C11orf54: variants seen among roughly 807,000 people sequenced by gnomAD.
C11orf54 encodes the protein beta-keto L-gulonate decarboxylase.
A neutral mutation model predicts 35.5 loss-of-function variants in C11orf54; 29 were observed. That is an observed-to-expected ratio of 0.82 (90% CI 0.61 to 1.11). The LOEUF is 1.11. C11orf54 is among the 50% of genes most tolerant of loss of function. The probability of loss-of-function intolerance (pLI) is 0.00; values close to 1 mark genes in which losing one functional copy is unlikely to be tolerated. For synonymous variants in C11orf54, 108 were observed against 121.1 expected, an observed-to-expected ratio of 0.89 and a Z score of 0.71; for missense variants, 373 against 369.2, an observed-to-expected ratio of 1.01 and a Z score of -0.08.
rs1310091615 is a variant in C11orf54 at position 93,762,716 on chromosome 11, T to C, written c.*1028T>C. 2.0e-5 allele frequency: 3 copies of C among 152,092 alleles called. No individual in the cohort carries two copies. Among genetic ancestry groups the C allele is most frequent in the Middle Eastern group, 3.4e-3 (1 of 294 alleles). 9.4% of individuals were successfully genotyped at this position (152,092 alleles called of 1,614,324 possible). On this transcript the variant is annotated 3_prime_UTR_variant, in exon 9 of 9. Transcript: ENST00000354421. ...CAGTTAGAAGCAATTTTTATTTCAC[T>C]GGTTATTTGCAAGAGAAGGGGTAAA...
At chr11:93,746,836 A>G (rs1942495508) in intron 1 of C11orf54, 1 of 152,228 alleles carries the variant, frequency 6.6e-6, no homozygotes, top group African/African-American at 2.4e-5. Context: ...TTGAGATCCT[A>G]TATGTACTAT....
rs371075089 is a variant in C11orf54 at position 93,761,644 on chromosome 11, C to T, written c.904C>T (p.Arg302Cys). ...CTTCTTACCTGCAGAGTTTCTCTAT[C>T]GCATTGATCAACCAAAAGAGACGCA... is the stretch of plus-strand genomic sequence containing the variant. Reference protein sequence around the residue: ...GYFLPAEFLYRIDQPKETHSI... With the variant: ...GYFLPAEFLYCIDQPKETHSI... Residue 302 changes from arginine (R) to cysteine (C), a missense_variant, in exon 9 of 9, where the codon CGC (arginine) becomes TGC (cysteine). By Grantham distance (180) the Arg-to-Cys change is radical (BLOSUM62 -3). Transcript: ENST00000354421. 2.3e-5 allele frequency: 37 copies of T among 1,611,466 alleles called. No homozygotes were observed. Among genetic ancestry groups the T allele is most frequent in the South Asian group, 1.1e-4 (10 of 90,528 alleles).
intron 1 of C11orf54, among the ~76,000 whole-genome samples, chr11:93,743,866 C>G (rs947268971): frequency 6.6e-6 from 1 of 152,176 alleles, no homozygotes; most frequent in Non-Finnish European, 1.5e-5. Flanking sequence ...CGACTCCCAC[C>G]AATTAGGCAG....
intron 3 of C11orf54, 99 bp downstream of exon 3, chr11:93,750,543 G>T: frequency 1.1e-6 from 1 of 938,388 alleles, no homozygotes; most frequent in Non-Finnish European, 1.6e-6. Context: ...ACAAATAAAG[G>T]ATATTGTCAC....
chr11:93,743,101 A>G (rs572107216), intron 1 of C11orf54, among the ~76,000 whole-genome samples: 2 of 150,490 alleles, frequency 1.3e-5, no homozygotes, highest in East Asian at 4.0e-4. Flanking sequence ...CCCGGGCTCA[A>G]GAGATCCACC....
chr11:93,746,316 C>T (rs1249439461), intron 1 of C11orf54: 3 of 152,184 alleles, frequency 2.0e-5, no homozygotes, highest in Non-Finnish European at 4.4e-5. Context: ...ACAGTTTTAA[C>T]GAGAACTCCT....
rs1479416750 is a variant in C11orf54, at chr11:93,753,679, T to G, written c.155-3T>G. ...GTGTTTTTGTTTTTTGGTTTTTTCT[T>G]AGGCATCTGTGGGAAAACTAGAATT... On this transcript the variant is annotated splice_polypyrimidine_tract_variant and splice_region_variant and intron_variant, in intron 3 of 8. Coordinates refer to ENST00000354421, the MANE Select transcript of C11orf54 (RefSeq NM_001286069.2). 9 of 1,613,542 alleles carry G rather than the reference T, an allele frequency of 5.6e-6. No individual in the cohort carries two copies. The highest frequency in any genetic ancestry group is 7.6e-6 in the Non-Finnish European group (9 of 1,179,914).
chr11:93,747,531 C>A, intron 2 of C11orf54, 83 bp downstream of exon 2: 1 of 843,772 alleles, frequency 1.2e-6, no homozygotes, highest in Non-Finnish European at 1.8e-6. Context: ...CTATCTATAT[C>A]TTACTACTTA....
chr11:93,755,122 T>C (rs747854914), intron 5 of C11orf54, 88 bp from the exon 6 acceptor site: 22 of 1,333,678 alleles, frequency 1.6e-5, no homozygotes, highest in Admixed American at 2.2e-5. Flanking sequence ...TAAAATGTCT[T>C]AAAAGGATTA....
At chr11:93,744,886 A>G (rs529023971) in intron 1 of C11orf54, among the ~76,000 whole-genome samples, 11 of 152,294 alleles carry the variant, frequency 7.2e-5, no homozygotes, top group African/African-American at 2.6e-4. Flanking sequence ...ACTTTTCACT[A>G]TCTCGGCAAG....
At chr11:93,760,959 TG>T (rs1408267577) in intron 8 of C11orf54, among the ~76,000 whole-genome samples, 1 of 152,210 alleles carries the variant, frequency 6.6e-6, no homozygotes, top group African/African-American at 2.4e-5. Flanking sequence ...CCGCCTACCC[TG>T]GTCATATCTT....
At chr11:93,753,654 G>T (rs1279724901) in intron 3 of C11orf54, 28 bp from the exon 4 acceptor site, 2 of 1,604,784 alleles carry the variant, frequency 1.2e-6, no homozygotes, top group South Asian at 1.1e-5. Flanking sequence ...AAGGTGGCTT[G>T]TGTTTTTGTT....
chr11:93,755,558 C>T (rs1048822523), intron 6 of C11orf54, among the ~76,000 whole-genome samples, 172 bp downstream of exon 6: 4 of 151,824 alleles, frequency 2.6e-5, no homozygotes, highest in African/African-American at 9.7e-5. Context: ...CAAGACCAGC[C>T]TGGTCAACAT....
intron 2 of C11orf54, among the ~76,000 whole-genome samples, chr11:93,747,831 A>G (rs1034291231): frequency 6.6e-6 from 1 of 152,146 alleles, no homozygotes; most frequent in African/African-American, 2.4e-5. Context: ...TGTATACTCT[A>G]CTGTTGTATG....
At chr11:93,745,145 G>T (rs1235850533) in intron 1 of C11orf54, among the ~76,000 whole-genome samples, 1 of 152,198 alleles carries the variant, frequency 6.6e-6, no homozygotes. Context: ...AGAACGAATA[G>T]TCGGCTTTAC....
At chr11:93,757,534 T>TC in intron 7 of C11orf54, 69 bp downstream of exon 7, 3 of 257,540 alleles carry the variant, frequency 1.2e-5, no homozygotes, top group Non-Finnish European at 1.8e-5. Context: ...GATCTTAGGA[T>TC]TTTTTTTTTT....
chr11:93,755,254 A>T lies in C11orf54; in HGVS notation c.375A>T (p.Val125=). ...CAGAAAGTGAACACAAGCCTCCTGTAAATGGAAGTTACTTTGCCCATGTGA... is the reference window on the plus strand; with the variant it reads ...CAGAAAGTGAACACAAGCCTCCTGTTAATGGAAGTTACTTTGCCCATGTGA... The part of the protein sequence containing the change: ...IQTESEHKPP[V]NGSYFAHVNP... The change falls in exon 6 of 9, where the codon GTA becomes GTT. Residue 125 remains valine, a synonymous_variant. Transcript: ENST00000354421. The T allele has an allele frequency of 6.2e-7, 1 of 1,614,156 alleles. No individual in the cohort carries two copies. Among genetic ancestry groups the T allele is most frequent in the Non-Finnish European group, 8.5e-7 (1 of 1,180,010 alleles).
intron 3 of C11orf54, among the ~76,000 whole-genome samples, chr11:93,752,658 C>T (rs1942903709): frequency 1.3e-5 from 2 of 151,460 alleles, no homozygotes; most frequent in South Asian, 4.2e-4. Flanking sequence ...AGTAATCTAT[C>T]TGGGTATTTT....
intron 8 of C11orf54, among the ~76,000 whole-genome samples, chr11:93,760,473 A>C (rs1428290707): frequency 6.6e-6 from 1 of 151,702 alleles, no homozygotes; most frequent in Admixed American, 6.6e-5. Context: ...TTGAACCCAG[A>C]AGTTTGAGAC....
Sources: gnomAD v4.1 joint callset for allele counts (sites outside exome capture counted in the v4.1 genomes callset) on GRCh38, gnomAD v4.1.1 for gene constraint, MANE v1.5 for transcripts, NCBI Gene and HGNC (gene_info 2026-07-23, HGNC 2026-07-21) for gene names.